NAV3: variants seen among roughly 807,000 people sequenced by gnomAD.
NAV3 encodes neuron navigator 3.
NAV3 carries 87 observed loss-of-function variants against 244.7 expected under a neutral mutation model. That is an observed-to-expected ratio of 0.36 (90% confidence interval 0.30 to 0.42). NAV3 has a LOEUF of 0.42. NAV3 is among the 20% of genes least tolerant of loss of function. NAV3 has a pLI of 1.00. For synonymous variants in NAV3, 1,126 were observed against 1,042.2 expected, an observed-to-expected ratio of 1.08 and a Z score of -1.55; for missense variants, 2,663 against 2,893.3, an observed-to-expected ratio of 0.92 and a Z score of 1.83.
chr12:78,123,759 A>C (rs1170111156), intron 16 of NAV3, among the ~76,000 whole-genome samples: 1 of 152,220 alleles, frequency 6.6e-6, no homozygotes, highest in Non-Finnish European at 1.5e-5. Context: ...GTGATAGCAA[A>C]TAAAATGTAA....
At chr12:77,994,905 G>C in intron 6 of NAV3, 34 bp downstream of exon 6, 2 of 1,402,866 alleles carry the variant, frequency 1.4e-6, no homozygotes, top group Non-Finnish European at 2.0e-6. Flanking sequence ...TTGCTTATTA[G>C]TGATATGCAA....
At chr12:77,931,912 T>TTGTG (rs10618242) in intron 1 of NAV3, among the ~76,000 whole-genome samples, 1 of 150,574 alleles carries the variant, frequency 6.6e-6, no homozygotes, top group Non-Finnish European at 1.5e-5. Context: ...GCGTGTGTGT[T>TTGTG]TGTGTGTGTG....
rs181095606 is a variant in NAV3, at chr12:78,103,178, A to G, written c.2637-13594A>G. 4.6e-3 allele frequency among the ~76,000 whole-genome samples: 702 copies of G among 152,302 alleles called. 11 individuals are homozygous for G. Among genetic ancestry groups the G allele is most frequent in the Non-Finnish European group, 6.6e-3 (450 of 68,020 alleles). On this transcript the variant is annotated intron_variant, in intron 12 of 39. Transcript: ENST00000397909. ...TCTAACAACACCCGTCACCTCTTGA[A>G]TGCTTTGCTGCTTAGAAATTTCTTC...
intron 3 of NAV3, among the ~76,000 whole-genome samples, chr12:77,959,993 T>C (rs759820190): frequency 4.2e-5 from 6 of 143,764 alleles, no homozygotes; most frequent in Non-Finnish European, 6.1e-5. Flanking sequence ...TTACAGATTA[T>C]AACTGATGCT....
intron 39 of NAV3, 143 bp downstream of exon 39, chr12:78,205,281 C>A: frequency 2.3e-6 from 2 of 859,184 alleles, no homozygotes; most frequent in Non-Finnish European, 3.4e-6. Flanking sequence ...GGCCTGCTTT[C>A]CATGGATGAA....
intron 2 of NAV3, among the ~76,000 whole-genome samples, chr12:77,800,021 C>T (rs1483879770): frequency 6.6e-6 from 1 of 152,088 alleles, no homozygotes; most frequent in Non-Finnish European, 1.5e-5. Context: ...TCATTTTCAC[C>T]ATAGCATCTA....
chr12:77,952,270 G>A (rs1170371495), intron 3 of NAV3, among the ~76,000 whole-genome samples: 1 of 152,026 alleles, frequency 6.6e-6, no homozygotes, highest in East Asian at 1.9e-4. Flanking sequence ...TATACATCAT[G>A]TCTTTAGTGT....
At chr12:78,059,435 C>T (rs1031794487) in intron 12 of NAV3, among the ~76,000 whole-genome samples, 7 of 152,014 alleles carry the variant, frequency 4.6e-5, no homozygotes, top group East Asian at 1.9e-4. Flanking sequence ...ACTCCAGGCA[C>T]GCACCACCAT....
At chr12:77,764,891 T>C (rs754938536) in intron 2 of NAV3, among the ~76,000 whole-genome samples, 2 of 152,226 alleles carry the variant, frequency 1.3e-5, no homozygotes, top group Non-Finnish European at 2.9e-5. Context: ...ATCCATCCCA[T>C]TCAGGAAGCA....
At chr12:77,626,933 C>T (rs890985434) in intron 2 of NAV3, among the ~76,000 whole-genome samples, 1 of 152,058 alleles carries the variant, frequency 6.6e-6, no homozygotes, top group African/African-American at 2.4e-5. Context: ...GATATCACTA[C>T]ATAAACATAC....
At chr12:77,906,432 T>C (rs975532186) in intron 1 of NAV3, among the ~76,000 whole-genome samples, 1 of 152,118 alleles carries the variant, frequency 6.6e-6, no homozygotes, top group African/African-American at 2.4e-5. Flanking sequence ...TTTCTTTGCA[T>C]GAGTTTATGT....
intron 18 of NAV3, 23 bp from the exon 19 acceptor site, chr12:78,137,154 G>T (rs969230738): frequency 1.3e-6 from 2 of 1,599,936 alleles, no homozygotes; most frequent in South Asian, 1.1e-5. Flanking sequence ...AGAGTAATAG[G>T]CTCTGTGTGT....
At chr12:78,145,623 A>C (rs1443213865) in intron 20 of NAV3, among the ~76,000 whole-genome samples, 1 of 152,168 alleles carries the variant, frequency 6.6e-6, no homozygotes, top group African/African-American at 2.4e-5. Flanking sequence ...AGCATGAAGA[A>C]GAAAAACAGA....
intron 2 of NAV3, among the ~76,000 whole-genome samples, chr12:77,767,091 G>A (rs959127666): frequency 2.2e-4 from 34 of 152,168 alleles, no homozygotes; most frequent in South Asian, 4.2e-4. Context: ...ATTAAGAAGC[G>A]CGATGGAAAG....
chr12:77,954,563 T>G (rs1891191154), intron 3 of NAV3, among the ~76,000 whole-genome samples: 1 of 151,868 alleles, frequency 6.6e-6, no homozygotes, highest in Non-Finnish European at 1.5e-5. Context: ...ATGAAAAGAG[T>G]TTTGTATATG....
intron 18 of NAV3, among the ~76,000 whole-genome samples, chr12:78,135,562 C>A (rs561583644): frequency 6.6e-6 from 1 of 152,094 alleles, no homozygotes; most frequent in Non-Finnish European, 1.5e-5. Flanking sequence ...CCTATAGATA[C>A]GTATACTAAA....
intron 3 of NAV3, among the ~76,000 whole-genome samples, chr12:77,948,630 ATTT>A (rs907166330): frequency 1.1e-4 from 16 of 151,020 alleles, no homozygotes; most frequent in Non-Finnish European, 1.9e-4. Context: ...AGCTTTTTAT[ATTT>A]AATAGTTGGT....
At chr12:77,590,595 G>A (rs749232804) in intron 2 of NAV3, among the ~76,000 whole-genome samples, 42 of 152,080 alleles carry the variant, frequency 2.8e-4, no homozygotes, top group South Asian at 4.1e-4. Flanking sequence ...GAAGTAATCC[G>A]TACAACAAAT....
intron 1 of NAV3, among the ~76,000 whole-genome samples, chr12:77,923,691 A>G (rs1887925707): frequency 6.6e-6 from 1 of 152,158 alleles, no homozygotes; most frequent in Admixed American, 6.5e-5. Flanking sequence ...GGTTATATGA[A>G]GTTCCAAGGA....
Sources: gnomAD v4.1 joint callset for allele counts (sites outside exome capture counted in the v4.1 genomes callset) on GRCh38, gnomAD v4.1.1 for gene constraint, MANE v1.5 for transcripts, NCBI Gene and HGNC (gene_info 2026-07-23, HGNC 2026-07-21) for gene names.